The following HMGCL variants were observed in gnomAD, a reference collection of about 807,000 sequenced individuals.
HMGCL encodes the protein 3-hydroxy-3-methylglutaryl-CoA lyase.
A neutral mutation model predicts 37.3 loss-of-function variants in HMGCL; 26 were observed. The ratio of observed to expected loss-of-function variants is 0.70; its 90% CI spans 0.51 to 0.97. The LOEUF is 0.97. HMGCL is among the 50% of genes least tolerant of loss of function. The pLI is 0.00. For missense variants in HMGCL, 379 were observed against 398.1 expected (o/e 0.95, Z 0.41); for synonymous variants, 151 against 148.0 (o/e 1.02, Z -0.15).
rs568927905 is a variant in HMGCL, at chr1:23,825,400, T to C, written c.16A>G (p.Lys6Glu). 3.8e-6 allele frequency: 6 copies of C among 1,560,008 alleles called. No individual in the cohort carries two copies. Among genetic ancestry groups the C allele is most frequent in the African/African-American group, 2.7e-5 (2 of 73,276 alleles). Reference sequence around the variant, plus strand: ...CCCACCAGTCGCCGCGGAAGCGCCTTCCTCATTGCTGCCATCTTGGCCCAG... The same window carrying C: ...CCCACCAGTCGCCGCGGAAGCGCCTCCCTCATTGCTGCCATCTTGGCCCAG... MAAMR[K>E]ALPRRLVGLA... The change falls in exon 1 of 9, where the codon AAG (lysine) becomes GAG (glutamate). Residue 6 changes from lysine (K) to glutamate (E), a missense_variant. Lys to Glu is a moderately conservative substitution (Grantham distance 56). Transcript: ENST00000374490.
Position 23,802,477 on chromosome 1 carries a change from T to A in HMGCL, c.964A>T (p.Thr322Ser), listed in dbSNP as rs1056131329. 6.2e-7 allele frequency: 1 copy of A among 1,610,340 alleles called. No homozygotes were observed. Among genetic ancestry groups the A allele is most frequent in the South Asian group, 1.1e-5 (1 of 91,022 alleles). Residue 322 changes from threonine (T) to serine (S), a missense_variant, in exon 9 of 9, where the codon ACC becomes TCC. Thr to Ser is a moderately conservative substitution (Grantham distance 58). Transcript: ENST00000374490. ...RKTSSKVAQATCKL is the reference protein window; with the variant it reads ...RKTSSKVAQASCKL ...GGGCAAGGGGCTCAGAGTTTACAGG[T>A]AGCCTGAGCCACTTTGGAGCTAGTT...
Position 23,808,268 on chromosome 1 carries a change from A to T in HMGCL, c.617T>A (p.Ile206Asn). 6.2e-7 allele frequency: 1 copy of T among 1,614,010 alleles called. No individual in the cohort carries two copies. The highest frequency in any genetic ancestry group is 8.5e-7 in the Non-Finnish European group (1 of 1,179,900). ...GCYEISLGDT[I>N]GVGTPGIMKD... ...CATGATCCCTGGGGTGCCCACACCA[A>T]TGGTGTCCCCCAGGGAGATCTCGTA... The change falls in exon 7 of 9, where the codon ATT becomes AAT. Residue 206 changes from isoleucine (I) to asparagine (N), a missense_variant. Transcript: ENST00000374490.
chr1:23,806,670 T>A lies in HMGCL; in HGVS notation c.750+1465A>T, dbSNP rs1472061756. ...CCACAGTGTTTATGAACACCTGGCC[T>A]GCTGTATGTTTGTTTATTTATTATC... On this transcript the variant is annotated intron_variant, in intron 7 of 8. Coordinates refer to ENST00000374490, the MANE Select transcript of HMGCL (RefSeq NM_000191.3). The surrounding 1 kb of genome is among the most constrained non-coding windows in gnomAD (Gnocchi z 4.0). 9 of 313,356 alleles carry A rather than the reference T, an allele frequency of 2.9e-5. No homozygotes were observed. The highest frequency in any genetic ancestry group is 3.1e-5 in the Non-Finnish European group (5 of 159,228). The allele number at this position is 313,356 out of a possible 1,614,324, so 19.4% of individuals were successfully genotyped here.
In HMGCL at chr1:23,806,313, T is replaced by C. The variant is rs1570643938; in HGVS notation, c.751-1788A>G. On this transcript the variant is annotated intron_variant, in intron 7 of 8. Transcript: ENST00000374490. The surrounding 1 kb of genome is among the most constrained non-coding windows in gnomAD (Gnocchi z 4.0). ...CCCTCCCCGCCCCTGCTCAAGACTC[T>C]CTGTTAGCTTCCCAGCTCAGTCTGA... is the stretch of plus-strand genomic sequence containing the variant. 6.6e-6 allele frequency among the ~76,000 whole-genome samples: 1 copy of C among 152,066 alleles called. No individual in the cohort carries two copies. Among genetic ancestry groups the C allele is most frequent in the South Asian group, 2.1e-4 (1 of 4,828 alleles).
intron 6 of HMGCL, chr1:23,809,726 C>G (rs1638485415): frequency 6.6e-6 from 1 of 152,140 alleles, no homozygotes; most frequent in Non-Finnish European, 1.5e-5. Flanking sequence ...AAAAAGATGG[C>G]CTCACCCAAG....
At chr1:23,803,348 C>T (rs945243066) in intron 8 of HMGCL, among the ~76,000 whole-genome samples, 26 of 151,554 alleles carry the variant, frequency 1.7e-4, no homozygotes, top group Admixed American at 2.6e-4. Flanking sequence ...ATTACAGGTG[C>T]GTGCCACCAC....
At position 23,804,566 on chromosome 1, in the gene HMGCL, A is replaced by T. The variant is rs535861456; in HGVS notation, c.751-41T>A. 5 of 1,611,712 alleles carry T rather than the reference A, an allele frequency of 3.1e-6. No individual in the cohort carries two copies. In the East Asian group the frequency reaches 6.7e-5, roughly 22 times the overall value. ...TGGTGAAACACAGTTGTTGCTGGGGACAAGAGGCCACAGAGATGAGCCTTG... is the reference window on the plus strand; with the variant it reads ...TGGTGAAACACAGTTGTTGCTGGGGTCAAGAGGCCACAGAGATGAGCCTTG... On this transcript the variant is annotated intron_variant, in intron 7 of 8. Coordinates refer to ENST00000374490, the MANE Select transcript of HMGCL (RefSeq NM_000191.3).
rs781224711 is a variant in HMGCL, at chr1:23,808,094, C to T, written c.750+41G>A. 7.1e-6 allele frequency: 11 copies of T among 1,556,704 alleles called. No individual in the cohort carries two copies. In the South Asian group the frequency reaches 1.0e-4, roughly 14 times the overall value. On this transcript the variant is annotated intron_variant, in intron 7 of 8. Coordinates refer to ENST00000374490, the MANE Select transcript of HMGCL (RefSeq NM_000191.3). ...ATAAATGATAACAAGCTGTCCTGCCCACCGTGACCTTTGGGAGAATGGGCA... is the reference window on the plus strand; with the variant it reads ...ATAAATGATAACAAGCTGTCCTGCCTACCGTGACCTTTGGGAGAATGGGCA...
chr1:23,814,125 G>T, intron 5 of HMGCL, 65 bp downstream of exon 5: 1 of 1,574,026 alleles, frequency 6.4e-7, no homozygotes, highest in Non-Finnish European at 8.7e-7. Context: ...AGGACCACTT[G>T]AGTCAGAGTC....
At chr1:23,802,685 T>A (rs977195806) in intron 8 of HMGCL, 121 bp from the exon 9 acceptor site, 2 of 743,358 alleles carry the variant, frequency 2.7e-6, no homozygotes, top group Non-Finnish European at 4.8e-6. Context: ...ACAGGCTTTT[T>A]CCTTGACAGC....
chr1:23,816,046 T>C (rs1638607429), intron 4 of HMGCL, among the ~76,000 whole-genome samples: 1 of 150,654 alleles, frequency 6.6e-6, no homozygotes, highest in Admixed American at 6.6e-5. Flanking sequence ...GTCTCCCGAG[T>C]AGCTAGGACT....
At chr1:23,813,742 T>C (rs1015791954) in intron 5 of HMGCL, 1 of 215,222 alleles carries the variant, frequency 4.6e-6, no homozygotes, top group Non-Finnish European at 9.5e-6. Flanking sequence ...ATTAGAGATG[T>C]GATGTTGGAA....
chr1:23,810,587 G>C, intron 6 of HMGCL, 149 bp downstream of exon 6: 1 of 716,768 alleles, frequency 1.4e-6, no homozygotes, highest in Non-Finnish European at 2.5e-6. Context: ...GTGCAGGGCT[G>C]TGCTCACAGC....
rs1393763359 is a variant in HMGCL, at chr1:23,806,519, C to A, written c.750+1616G>T. ...CCTGGGTGGGGCTCCCTTCCCTCCC[C>A]CTCCCTGCTAGGGATCCGCAGGGCT... is the stretch of plus-strand genomic sequence containing the variant. On this transcript the variant is annotated intron_variant, in intron 7 of 8. Transcript: ENST00000374490. This position sits in a 1 kb window ranked among gnomAD's most constrained non-coding sequence, Gnocchi z 4.0. Among the ~76,000 whole-genome samples the A allele has an allele frequency of 6.6e-6, 1 of 152,186 alleles. No individual in the cohort carries two copies. Among genetic ancestry groups the A allele is most frequent in the Non-Finnish European group, 1.5e-5 (1 of 68,024 alleles).
intron 5 of HMGCL, among the ~76,000 whole-genome samples, chr1:23,812,910 G>C (rs1638545241): frequency 1.3e-5 from 2 of 151,912 alleles, no homozygotes; most frequent in Non-Finnish European, 2.9e-5. Context: ...TTGTTTTTGA[G>C]ACAGAGTCTC....
At chr1:23,814,801 C>T (rs1414209315) in intron 4 of HMGCL, among the ~76,000 whole-genome samples, 2 of 152,160 alleles carry the variant, frequency 1.3e-5, no homozygotes, top group Admixed American at 1.3e-4. Flanking sequence ...TAAAACCCAG[C>T]ACCTCAGAAT....
At chr1:23,820,636 G>T in intron 1 of HMGCL, 43 bp from the exon 2 acceptor site, 2 of 1,331,566 alleles carry the variant, frequency 1.5e-6, no homozygotes, top group Non-Finnish European at 2.2e-6. Flanking sequence ...GGAAGAGATT[G>T]CCACAATTCC....
intron 4 of HMGCL, among the ~76,000 whole-genome samples, chr1:23,815,681 G>A (rs1465226422): frequency 1.3e-5 from 2 of 151,610 alleles, no homozygotes; most frequent in Non-Finnish European, 2.9e-5. Context: ...ATTTTTAGTA[G>A]AGACGGGGTT....
At chr1:23,804,638 G>T in intron 7 of HMGCL, 113 bp from the exon 8 acceptor site, 1 of 1,185,688 alleles carries the variant, frequency 8.4e-7, no homozygotes, top group South Asian at 1.3e-5. Context: ...GTCATTCTTT[G>T]CTTTGGCTTA....
Sources: gnomAD v4.1 joint callset for allele counts (sites outside exome capture counted in the v4.1 genomes callset) on GRCh38, gnomAD v4.1.1 for gene constraint, Gnocchi (gnomAD v3.1) non-coding constraint, MANE v1.5 for transcripts, NCBI Gene and HGNC (gene_info 2026-07-23, HGNC 2026-07-21) for gene names.